The following WDR64 variants were observed in gnomAD, a reference collection of about 807,000 sequenced individuals.
WDR64 encodes WD repeat domain 64.
Under a neutral mutation model 139.3 loss-of-function variants are expected in WDR64, and 112 were observed. The ratio of observed to expected loss-of-function variants is 0.80; its 90% confidence interval spans 0.69 to 0.94. The LOEUF (loss-of-function observed/expected upper bound fraction) is 0.94, where lower values mean the gene tolerates loss of function less well. WDR64 is among the 40% of genes least tolerant of loss of function. WDR64 has a pLI of 0.00. For missense variants in WDR64, 1,206 were observed against 1,293.1 expected (o/e 0.93, Z 1.03); for synonymous variants, 444 against 437.7 (o/e 1.01, Z -0.18).
At chr1:241,689,520 G>A (rs1667133044) in intron 8 of WDR64, among the ~76,000 whole-genome samples, 1 of 152,152 alleles carries the variant, frequency 6.6e-6, no homozygotes, top group Non-Finnish European at 1.5e-5. Context: ...TGATAAAGGG[G>A]TCAATTCTTA....
At chr1:241,681,951 C>T (rs1420025229) in intron 6 of WDR64, among the ~76,000 whole-genome samples, 3 of 152,064 alleles carry the variant, frequency 2.0e-5, no homozygotes, top group Non-Finnish European at 4.4e-5. Flanking sequence ...TACTCATGTC[C>T]TTAGCCCACT....
intron 17 of WDR64, 56 bp from the exon 18 acceptor site, chr1:241,770,565 G>C: frequency 6.9e-7 from 1 of 1,454,574 alleles, no homozygotes; most frequent in African/African-American, 1.4e-5. Flanking sequence ...CACACCCTTT[G>C]AGTATGGTAG....
chr1:241,713,392 A>AG lies in WDR64; in HGVS notation c.1054+1513dup, dbSNP rs1668261591. ...GGGAGGAAGGGAAGGAAAGGAAGGA[A>AG]GGAAGGGAGGGAGGGAGGAAGGGAA... On this transcript the variant is annotated intron_variant, in intron 9 of 27. Coordinates refer to ENST00000437684, the MANE Select transcript of WDR64 (RefSeq NM_001367482.1). 5.0e-5 allele frequency among the ~76,000 whole-genome samples: 6 copies of AG among 119,526 alleles called. No homozygotes were observed. The South Asian group carries it at 1.4e-3, about 28-fold the overall frequency. 78.4% of individuals were successfully genotyped at this position (119,526 alleles called of 152,430 possible).
At chr1:241,695,257 CTTGAGGGTTTTTAAAAAAATATCCT>C (rs1667438732) in intron 8 of WDR64, among the ~76,000 whole-genome samples, 3 of 152,114 alleles carry the variant, frequency 2.0e-5, no homozygotes, top group Admixed American at 6.6e-5. Flanking sequence ...TGTCTGTGTT[CTTGAGGGTTTTTAAAAAAATATCCT>C]CAGAAAATAC....
intron 11 of WDR64, 67 bp downstream of exon 11, chr1:241,738,556 A>G (rs1416354404): frequency 2.3e-5 from 35 of 1,508,952 alleles, no homozygotes; most frequent in Non-Finnish European, 2.8e-5. Context: ...TTAAACTAGC[A>G]CTTGAGCACT....
chr1:241,790,542 G>C, intron 24 of WDR64, 49 bp from the exon 25 acceptor site: 1 of 1,456,684 alleles, frequency 6.9e-7, no homozygotes. Context: ...TTAGTTGGCA[G>C]AGAATAAAAG....
chr1:241,671,255 A>T, intron 3 of WDR64, 79 bp downstream of exon 3: 2 of 1,000,316 alleles, frequency 2.0e-6, no homozygotes, highest in Non-Finnish European at 2.9e-6. Context: ...TATTTTCCAT[A>T]GAATCACTTT....
At chr1:241,675,242 TCCC>T (rs1391322852) in intron 4 of WDR64, among the ~76,000 whole-genome samples, 43 of 98,826 alleles carry the variant, frequency 4.4e-4, no homozygotes, top group Non-Finnish European at 5.8e-4. Flanking sequence ...CCCTCCTTCC[TCCC>T]TCCTTCCTTC....
rs1237771842 is a variant in WDR64, at chr1:241,735,533, C to CCCTTTTTTTTTTTTT, written c.1195-2830_1195-2829insCCTTTTTTTTTTTTT. Among the ~76,000 whole-genome samples, 158 of 103,474 alleles carry CCCTTTTTTTTTTTTT rather than the reference C, an allele frequency of 1.5e-3. 5 individuals are homozygous for CCCTTTTTTTTTTTTT. Among genetic ancestry groups the CCCTTTTTTTTTTTTT allele is most frequent in the East Asian group, 7.9e-3 (27 of 3,438 alleles). The allele number at this position is 103,474 out of a possible 152,430, so 67.9% of individuals were successfully genotyped here. A position where few individuals can be genotyped will look rare whatever the true frequency, so the allele number is the denominator to read the frequency against. ...GTTCTCTGTCTCTCTCTCTCTCTCT[C>CCCTTTTTTTTTTTTT]TTTTTTTTTTTTTTTTTTTGATACG... On this transcript the variant is annotated intron_variant, in intron 10 of 27. Coordinates refer to ENST00000437684, the MANE Select transcript of WDR64 (RefSeq NM_001367482.1).
At chr1:241,793,793 T>C (rs1017638516) in intron 25 of WDR64, among the ~76,000 whole-genome samples, 3 of 152,236 alleles carry the variant, frequency 2.0e-5, no homozygotes, top group Admixed American at 6.5e-5. Flanking sequence ...TACATTTTAG[T>C]TTCTCAATAA....
At chr1:241,790,886 T>C (rs1373568517) in intron 25 of WDR64, among the ~76,000 whole-genome samples, 190 bp downstream of exon 25, 2 of 152,136 alleles carry the variant, frequency 1.3e-5, no homozygotes, top group African/African-American at 4.8e-5. Flanking sequence ...CCAAAAGTTC[T>C]ACATGGGGGC....
At chr1:241,684,230 TA>T (rs1196832300) in intron 7 of WDR64, among the ~76,000 whole-genome samples, 2 of 152,254 alleles carry the variant, frequency 1.3e-5, no homozygotes, top group African/African-American at 4.8e-5. Flanking sequence ...AATGGGTTGA[TA>T]TTTTTAACAG....
At chr1:241,768,694 C>A (rs976052992) in intron 16 of WDR64, among the ~76,000 whole-genome samples, 3 of 152,128 alleles carry the variant, frequency 2.0e-5, no homozygotes, top group Non-Finnish European at 4.4e-5. Context: ...GCTGTAAGGT[C>A]TATTTGCTAT....
chr1:241,722,487 C>A (rs1030028187), intron 9 of WDR64, among the ~76,000 whole-genome samples: 2 of 152,074 alleles, frequency 1.3e-5, no homozygotes, highest in Admixed American at 6.6e-5. Flanking sequence ...CCATTCGTTG[C>A]AGTATTGCTG....
At chr1:241,653,367 T>C (rs1665439590) in intron 1 of WDR64, among the ~76,000 whole-genome samples, 1 of 152,154 alleles carries the variant, frequency 6.6e-6, no homozygotes, top group Non-Finnish European at 1.5e-5. Flanking sequence ...GCATAGTAAT[T>C]TGTAAGTGAA....
rs148292842 is a variant in WDR64, at chr1:241,735,327, T to C, written c.1195-3036T>C. Among the ~76,000 whole-genome samples, 265 of 131,270 alleles carry C rather than the reference T, an allele frequency of 2.0e-3. 1 individual carries two copies. Among genetic ancestry groups the C allele is most frequent in the African/African-American group, 6.4e-3 (224 of 34,868 alleles). The allele number at this position is 131,270 out of a possible 152,430, so 86.1% of individuals were successfully genotyped here. A position where few individuals can be genotyped will look rare whatever the true frequency, so the allele number is the denominator to read the frequency against. ...GGCCAATGAACATTTGAGTAGTTTC[T>C]ACACTTTGTGTCTTTGTGTTGTTGC... On this transcript the variant is annotated intron_variant, in intron 10 of 27. Transcript: ENST00000437684.
At chr1:241,701,359 A>G (rs1257791621) in intron 8 of WDR64, among the ~76,000 whole-genome samples, 1 of 152,186 alleles carries the variant, frequency 6.6e-6, no homozygotes, top group Admixed American at 6.5e-5. Context: ...GTTTTTTTCA[A>G]AATGCATATT....
intron 15 of WDR64, 142 bp from the exon 16 acceptor site, chr1:241,766,076 A>C (rs1056568137): frequency 5.2e-6 from 4 of 762,392 alleles, no homozygotes; most frequent in Non-Finnish European, 7.5e-6. Context: ...AGATTTTACT[A>C]AATTTCATGC....
chr1:241,666,437 A>AT (rs1351191482), intron 2 of WDR64, among the ~76,000 whole-genome samples: 2 of 152,182 alleles, frequency 1.3e-5, no homozygotes, highest in African/African-American at 4.8e-5. Context: ...TTTGGAAGTT[A>AT]TTTTTTGGTA....
Sources: allele counts gnomAD v4.1 joint callset (sites outside exome capture counted in the v4.1 genomes callset), GRCh38; gene constraint gnomAD v4.1.1; transcripts MANE v1.5; gene names NCBI Gene and HGNC (gene_info 2026-07-23, HGNC 2026-07-21).